The following CDK14 variants were observed in gnomAD, a reference collection of about 807,000 sequenced individuals.
CDK14 encodes the protein cyclin dependent kinase 14.
Under a neutral mutation model 60.7 loss-of-function variants are expected in CDK14, and 34 were observed. The ratio of observed to expected loss-of-function variants is 0.56; its 90% CI spans 0.43 to 0.75. The LOEUF (loss-of-function observed/expected upper bound fraction) is 0.75, where lower values mean the gene tolerates loss of function less well. CDK14 is among the 30% of genes least tolerant of loss of function. The pLI is 0.00. For synonymous variants in CDK14, 197 were observed against 203.7 expected, an observed-to-expected ratio of 0.97 and a Z score of 0.28; for missense variants, 482 against 564.1, an observed-to-expected ratio of 0.85 and a Z score of 1.47.
intron 9 of CDK14, among the ~76,000 whole-genome samples, chr7:90,983,679 CA>C (rs199848997): frequency 0.18 from 21,322 of 116,670 alleles, 1,644 homozygotes; most frequent in Middle Eastern, 0.34. Flanking sequence ...GACTCCATCT[CA>C]AAAAAAAAAA....
At position 90,604,237 on chromosome 7, in the gene CDK14, C is replaced by A. The variant is rs758441212; in HGVS notation, c.111C>A (p.Thr37=). 2 of 1,541,012 alleles carry A rather than the reference C, an allele frequency of 1.3e-6. No homozygotes were observed. Among genetic ancestry groups the A allele is most frequent in the East Asian group, 2.3e-5 (1 of 43,090 alleles). ...TTATAGCTTTGAAGAAAGATGACAC[C>A]ACCTTTGATGAGGTAGGTTAAATTT... ...FSRIALKKDD[T]TFDEICVTKM... The change falls in exon 2 of 15, where the codon ACC becomes ACA. Residue 37 remains threonine, a synonymous_variant. Transcript: ENST00000380050.
intron 5 of CDK14, among the ~76,000 whole-genome samples, chr7:90,862,283 C>T (rs1791034429): frequency 6.6e-6 from 1 of 152,102 alleles, no homozygotes; most frequent in Non-Finnish European, 1.5e-5. Context: ...AAACCATATA[C>T]TGTCTACAAG....
At chr7:91,059,047 G>A (rs999436382) in intron 11 of CDK14, among the ~76,000 whole-genome samples, 3 of 152,116 alleles carry the variant, frequency 2.0e-5, no homozygotes, top group Non-Finnish European at 4.4e-5. Context: ...ACTTGTTTTG[G>A]TTGGTAAGCT....
At chr7:90,698,435 T>C (rs373330442) in intron 2 of CDK14, among the ~76,000 whole-genome samples, 15 of 152,200 alleles carry the variant, frequency 9.9e-5, no homozygotes, top group African/African-American at 3.6e-4. Flanking sequence ...TTTTTCTGAC[T>C]GGTATTTAAC....
intron 12 of CDK14, among the ~76,000 whole-genome samples, chr7:91,108,139 C>T (rs911135897): frequency 2.6e-5 from 4 of 152,186 alleles, no homozygotes; most frequent in Admixed American, 2.6e-4. Flanking sequence ...GAAACCCTGT[C>T]TCTACTAAAA....
chr7:90,633,813 A>G (rs1253183976), intron 2 of CDK14, among the ~76,000 whole-genome samples: 1 of 152,094 alleles, frequency 6.6e-6, no homozygotes, highest in African/African-American at 2.4e-5. Context: ...TTCTTAAAGC[A>G]GTAGATGTAA....
intron 14 of CDK14, among the ~76,000 whole-genome samples, chr7:91,152,815 T>C (rs763369833): frequency 2.4e-4 from 37 of 152,144 alleles, no homozygotes; most frequent in Non-Finnish European, 1.0e-4. Context: ...CTCTAGCACA[T>C]AAATGTGGGA....
At chr7:91,079,564 G>A (rs1798426046) in intron 12 of CDK14, 84 bp downstream of exon 12, 6 of 950,356 alleles carry the variant, frequency 6.3e-6, no homozygotes, top group Non-Finnish European at 8.5e-6. Flanking sequence ...TCATGGCATT[G>A]TTGATTCATC....
intron 4 of CDK14, among the ~76,000 whole-genome samples, chr7:90,756,386 A>G (rs1201996720): frequency 5.3e-4 from 80 of 152,204 alleles, no homozygotes; most frequent in Non-Finnish European, 7.4e-5. Flanking sequence ...TTCATTTATT[A>G]TGCCTGAATA....
intron 14 of CDK14, among the ~76,000 whole-genome samples, chr7:91,155,042 G>A (rs563852348): frequency 8.5e-5 from 13 of 152,302 alleles, no homozygotes; most frequent in East Asian, 1.9e-4. Context: ...GGTAAAGAAC[G>A]AGGAAGGGCA....
chr7:90,768,136 A>G (rs1464908706), intron 4 of CDK14, among the ~76,000 whole-genome samples: 1 of 152,236 alleles, frequency 6.6e-6, no homozygotes, highest in Non-Finnish European at 1.5e-5. Flanking sequence ...TCTGTTAAAA[A>G]AGGGCTCGTT....
intron 10 of CDK14, among the ~76,000 whole-genome samples, chr7:91,021,411 C>T (rs1349685878): frequency 6.6e-6 from 1 of 152,142 alleles, no homozygotes; most frequent in Non-Finnish European, 1.5e-5. Flanking sequence ...TAGGACAATG[C>T]CTGCTGCATA....
intron 14 of CDK14, among the ~76,000 whole-genome samples, chr7:91,146,442 C>T (rs1156896413): frequency 2.2e-5 from 3 of 138,382 alleles, no homozygotes; most frequent in Non-Finnish European, 1.6e-5. Flanking sequence ...CTCAGGTGAT[C>T]TGCTTGCCTC....
intron 10 of CDK14, among the ~76,000 whole-genome samples, chr7:91,018,567 C>T (rs1796359310): frequency 6.6e-6 from 1 of 152,178 alleles, no homozygotes; most frequent in Non-Finnish European, 1.5e-5. Context: ...TGTGTCCCCA[C>T]CCAAATCTCA....
chr7:90,913,994 A>G (rs1380976533), intron 7 of CDK14, among the ~76,000 whole-genome samples: 2 of 152,144 alleles, frequency 1.3e-5, no homozygotes. Flanking sequence ...CTCCAGCATA[A>G]AAGTTTTCTA....
intron 3 of CDK14, among the ~76,000 whole-genome samples, chr7:90,746,877 A>T (rs1803613606): frequency 6.6e-6 from 1 of 152,178 alleles, no homozygotes; most frequent in African/African-American, 2.4e-5. Flanking sequence ...TGTATTAGTG[A>T]TAGCTGAGTG....
At chr7:90,719,228 G>T (rs913904848) in intron 2 of CDK14, among the ~76,000 whole-genome samples, 9 of 152,094 alleles carry the variant, frequency 5.9e-5, no homozygotes, top group Non-Finnish European at 1.2e-4. Flanking sequence ...ACAGCCTGAC[G>T]CATGATACAT....
rs144140146 is a variant in CDK14 at position 90,759,253 on chromosome 7, C to T, written c.464+11478C>T. ...CATCACTATGTGTCTTTGTGGAATC[C>T]TTGGCACTGTTCCCTTTTGGGGCTT... On this transcript the variant is annotated intron_variant, in intron 4 of 14. Transcript: ENST00000380050. 7.1e-4 allele frequency among the ~76,000 whole-genome samples: 108 copies of T among 152,132 alleles called. 2 individuals are homozygous for T. In the East Asian group the frequency reaches 0.015, roughly 21 times the overall value.
chr7:90,971,653 T>TTAA (rs368129792), intron 9 of CDK14, among the ~76,000 whole-genome samples: 19 of 119,510 alleles, frequency 1.6e-4, no homozygotes, highest in South Asian at 1.1e-3. Context: ...ATATACATAG[T>TTAA]AAAAAAAAAA....
Sources: gnomAD v4.1 joint callset for allele counts (sites outside exome capture counted in the v4.1 genomes callset) on GRCh38, gnomAD v4.1.1 for gene constraint, MANE v1.5 for transcripts, NCBI Gene and HGNC (gene_info 2026-07-23, HGNC 2026-07-21) for gene names.